Variants in HDAC9 observed in about 807,000 individuals in gnomAD.
The protein encoded by HDAC9 is histone deacetylase 9, also known as MEF-2 interacting transcription repressor (MITR) protein.
Under a neutral mutation model 139.4 loss-of-function variants are expected in HDAC9, and 41 were observed. That is an observed-to-expected ratio of 0.29 (90% CI 0.23 to 0.38). The LOEUF (loss-of-function observed/expected upper bound fraction) is 0.38. Ranked by LOEUF, HDAC9 falls within the 10% of genes least tolerant of loss-of-function variation. The pLI is 1.00. For missense variants in HDAC9, 1,147 were observed against 1,297.0 expected (o/e 0.88, Z 1.78); for synonymous variants, 517 against 476.2 (o/e 1.09, Z -1.12).
chr7:18,271,805 T>C (rs1196435555), intron 2 of HDAC9, among the ~76,000 whole-genome samples: 1 of 152,182 alleles, frequency 6.6e-6, no homozygotes, highest in Admixed American at 6.6e-5. Context: ...CAGGAATCTA[T>C]AAGCTTCTGT....
In HDAC9 at chr7:18,514,874, G is replaced by A. The variant is rs1012976092; in HGVS notation, c.22+18550G>A. Among the ~76,000 whole-genome samples the A allele has an allele frequency of 2.0e-5, 3 of 152,148 alleles. No homozygotes were observed. In the South Asian group the frequency reaches 6.2e-4, roughly 32 times the overall value. ...AGGTGGGAGGGTTGCTTGAGTCCAG[G>A]AATTTGAGTTTGAAGTGAGCTATGA... On this transcript the variant is annotated intron_variant, in intron 2 of 25. Coordinates refer to ENST00000686413, the MANE Select transcript of HDAC9 (RefSeq NM_178425.4).
intron 22 of HDAC9, among the ~76,000 whole-genome samples, chr7:18,909,791 C>G (rs1248158019): frequency 6.6e-6 from 1 of 151,944 alleles, no homozygotes; most frequent in Non-Finnish European, 1.5e-5. Context: ...ATTCTGGGTC[C>G]TCTCTTCTAT....
rs563157879 is a variant in HDAC9 at position 18,765,935 on chromosome 7, G to T, written c.2165-1171G>T. The stretch of plus-strand genomic sequence containing the variant: ...TCTTTATAACTAGATGGCTTCATTT[G>T]TACATATATTTTTCTTTATCATCTT... On this transcript the variant is annotated intron_variant, in intron 15 of 25. Transcript: ENST00000686413. 1.1e-3 allele frequency among the ~76,000 whole-genome samples: 173 copies of T among 152,084 alleles called. 1 individual carries two copies. The highest frequency in any genetic ancestry group is 4.0e-3 in the African/African-American group (166 of 41,486).
chr7:18,970,218 C>G (rs1784158664), intron 24 of HDAC9, among the ~76,000 whole-genome samples: 1 of 152,084 alleles, frequency 6.6e-6, no homozygotes, highest in Admixed American at 6.5e-5. Context: ...TATATTGTAT[C>G]AGTGAGTGAT....
At chr7:18,950,166 T>C (rs184329404) in intron 23 of HDAC9, among the ~76,000 whole-genome samples, 4 of 152,222 alleles carry the variant, frequency 2.6e-5, no homozygotes, top group Admixed American at 2.6e-4. Flanking sequence ...TGTCATTCTA[T>C]TGCTTTTTCT....
intron 7 of HDAC9, among the ~76,000 whole-genome samples, chr7:18,634,326 T>G (rs554045746): frequency 1.3e-5 from 2 of 150,572 alleles, no homozygotes; most frequent in Non-Finnish European, 2.9e-5. Flanking sequence ...AAAGATTCCT[T>G]TCTTCAGTTT....
chr7:18,786,325 A>G (rs957908769), intron 16 of HDAC9, among the ~76,000 whole-genome samples: 1 of 152,096 alleles, frequency 6.6e-6, no homozygotes, highest in Non-Finnish European at 1.5e-5. Flanking sequence ...CTAACTCTTT[A>G]TCCTCTTGTA....
At chr7:18,184,386 G>A (rs992792879) in intron 2 of HDAC9, among the ~76,000 whole-genome samples, 2 of 152,264 alleles carry the variant, frequency 1.3e-5, no homozygotes, top group Non-Finnish European at 2.9e-5. Context: ...GGCAACAAGA[G>A]TGAAACTCCA....
chr7:18,787,348 C>T (rs186504012), intron 16 of HDAC9, among the ~76,000 whole-genome samples: 1 of 152,264 alleles, frequency 6.6e-6, no homozygotes, highest in East Asian at 1.9e-4. Context: ...CACTTCTCAA[C>T]CCCAGTTTTG....
At chr7:18,922,900 C>T in intron 22 of HDAC9, among the ~76,000 whole-genome samples, 1 of 152,030 alleles carries the variant, frequency 6.6e-6, no homozygotes. Context: ...CGACAAATGT[C>T]TAGAGAGGGT....
At chr7:18,983,313 G>T (rs1030469306) in intron 25 of HDAC9, among the ~76,000 whole-genome samples, 2 of 152,084 alleles carry the variant, frequency 1.3e-5, no homozygotes, top group African/African-American at 4.8e-5. Flanking sequence ...ATATTCCATT[G>T]CATGTATATG....
chr7:18,208,923 T>A (rs1050164708), intron 2 of HDAC9, among the ~76,000 whole-genome samples: 1 of 152,220 alleles, frequency 6.6e-6, no homozygotes, highest in Non-Finnish European at 1.5e-5. Context: ...ATATGTGCAT[T>A]TTTTGCATTT....
chr7:18,223,180 G>A (rs958749984), intron 2 of HDAC9, among the ~76,000 whole-genome samples: 1 of 151,896 alleles, frequency 6.6e-6, no homozygotes, highest in Non-Finnish European at 1.5e-5. Context: ...TTTTCTTAAG[G>A]GTGTTTGTTT....
At chr7:18,244,994 C>CCTCTATCTATCTATCTATCTATCT (rs71553924) in intron 2 of HDAC9, among the ~76,000 whole-genome samples, 56,115 of 147,782 alleles carry the variant, frequency 0.38, 11,212 homozygotes, top group South Asian at 0.44. Context: ...ATCTAATCTG[C>CCTCTATCTATCTATCTATCTATCT]ATCTATCTAT....
At chr7:18,257,376 C>G (rs1320891052) in intron 2 of HDAC9, among the ~76,000 whole-genome samples, 1 of 141,912 alleles carries the variant, frequency 7.0e-6, no homozygotes, top group East Asian at 2.1e-4. Flanking sequence ...CTGACTCTCT[C>G]TCTCTCTCTC....
intron 2 of HDAC9, among the ~76,000 whole-genome samples, chr7:18,583,141 T>G (rs1047011911): frequency 2.2e-4 from 34 of 152,308 alleles, no homozygotes; most frequent in Non-Finnish European, 1.0e-4. Flanking sequence ...ATGTTTGTTT[T>G]GTTAGCTACT....
chr7:18,586,572 A>C (rs1829521372), intron 3 of HDAC9, among the ~76,000 whole-genome samples: 1 of 152,084 alleles, frequency 6.6e-6, no homozygotes. Context: ...ATGTAATTTT[A>C]CCACATTAAT....
At chr7:18,433,405 A>T (rs1790864525) in intron 1 of HDAC9, among the ~76,000 whole-genome samples, 1 of 152,198 alleles carries the variant, frequency 6.6e-6, no homozygotes, top group South Asian at 2.1e-4. Context: ...CAGTCAGGCA[A>T]GAGAAGGAAA....
chr7:18,852,212 C>G (rs961883375), intron 21 of HDAC9, among the ~76,000 whole-genome samples: 1 of 152,182 alleles, frequency 6.6e-6, no homozygotes, highest in Non-Finnish European at 1.5e-5. Flanking sequence ...AAGCATGTAA[C>G]AGTCGGGGCT....
Sources: gnomAD v4.1 joint callset for allele counts (sites outside exome capture counted in the v4.1 genomes callset) on GRCh38, gnomAD v4.1.1 for gene constraint, MANE v1.5 for transcripts, NCBI Gene and HGNC (gene_info 2026-07-23, HGNC 2026-07-21) for gene names.